The following CHP1 variants were observed in gnomAD, a reference collection of about 807,000 sequenced individuals.
The protein encoded by CHP1 is calcineurin B homologous protein 1.
In CHP1, 11 loss-of-function variants were observed where a neutral mutation model predicts 27.4. The observed-to-expected ratio is 0.40, with a 90% CI of 0.25 to 0.67. The LOEUF (loss-of-function observed/expected upper bound fraction) is 0.67. Among genes scored for constraint, CHP1 ranks in the 30% least tolerant of loss-of-function variants. The probability of loss-of-function intolerance (pLI) is 0.38; values close to 1 mark genes in which losing one functional copy is unlikely to be tolerated. For missense variants in CHP1, 169 were observed against 251.3 expected (o/e 0.67, Z 2.22); for synonymous variants, 89 against 87.4 (o/e 1.02, Z -0.10).
chr15:41,276,248 A>AG (rs2140944373), intron 5 of CHP1, among the ~76,000 whole-genome samples: 1 of 151,928 alleles, frequency 6.6e-6, no homozygotes, highest in Admixed American at 6.6e-5. Flanking sequence ...CTCAAAAAAA[A>AG]AAAAAAGAAT....
chr15:41,279,464 C>A lies in CHP1; in HGVS notation c.*75C>A. The A allele has an allele frequency of 8.3e-7, 1 of 1,201,842 alleles. No individual in the cohort carries two copies. Among genetic ancestry groups the A allele is most frequent in the Non-Finnish European group, 1.2e-6 (1 of 813,912 alleles). The allele number at this position is 1,201,842 out of a possible 1,614,324, so 74.4% of individuals were successfully genotyped here. A position where few individuals can be genotyped will look rare whatever the true frequency, so the allele number is the denominator to read the frequency against. ...AAAGTCCTCCTTCTACCAACTCCAC[C>A]TCCACCCCCTCATTCCCCTTCTCCC... On this transcript the variant is annotated 3_prime_UTR_variant, in exon 7 of 7. Transcript: ENST00000334660.
At chr15:41,260,394 CTTT>C (rs34417644) in intron 3 of CHP1, among the ~76,000 whole-genome samples, 16 of 124,540 alleles carry the variant, frequency 1.3e-4, no homozygotes, top group African/African-American at 1.3e-4. Context: ...TCTTTCAAAA[CTTT>C]TTTTTTTTTT....
At chr15:41,231,500 A>G (rs1488221281) in intron 1 of CHP1, 51 bp downstream of exon 1, 3 of 1,544,192 alleles carry the variant, frequency 1.9e-6, no homozygotes, top group Non-Finnish European at 2.6e-6. Flanking sequence ...CTGGCCTCAC[A>G]ACCAAGGGCG....
chr15:41,246,389 G>A (rs1039770185), intron 2 of CHP1, among the ~76,000 whole-genome samples: 1 of 149,686 alleles, frequency 6.7e-6, no homozygotes, highest in Non-Finnish European at 1.5e-5. Context: ...GTGTGATCTC[G>A]GCTCACTGCA....
At chr15:41,259,410 AC>A (rs2047419950) in intron 3 of CHP1, among the ~76,000 whole-genome samples, 1 of 152,052 alleles carries the variant, frequency 6.6e-6, no homozygotes, top group Non-Finnish European at 1.5e-5. Context: ...GGAGGGCTCT[AC>A]TGGGCTGCAC....
intron 2 of CHP1, among the ~76,000 whole-genome samples, chr15:41,251,602 G>A (rs965860791): frequency 5.9e-5 from 9 of 152,110 alleles, no homozygotes; most frequent in African/African-American, 2.2e-4. Context: ...GGCGGCACTA[G>A]ATTCTCATAG....
intron 2 of CHP1, among the ~76,000 whole-genome samples, chr15:41,249,456 C>T (rs1265850075): frequency 6.9e-6 from 1 of 145,830 alleles, no homozygotes; most frequent in Non-Finnish European, 1.5e-5. Flanking sequence ...GCCTGGCCTT[C>T]ACCTTCTTTT....
chr15:41,257,475 C>T (rs1277994892), intron 3 of CHP1, among the ~76,000 whole-genome samples: 3 of 151,336 alleles, frequency 2.0e-5, no homozygotes. Flanking sequence ...AATAAGTTAA[C>T]TTTGGTAATA....
intron 2 of CHP1, among the ~76,000 whole-genome samples, chr15:41,252,027 C>T (rs189670834): frequency 5.3e-5 from 8 of 152,132 alleles, no homozygotes; most frequent in African/African-American, 1.9e-4. Context: ...TAGGCGTCAA[C>T]CACCACGCCT....
chr15:41,247,901 G>A (rs914696403), intron 2 of CHP1, among the ~76,000 whole-genome samples: 16 of 151,300 alleles, frequency 1.1e-4, no homozygotes, highest in East Asian at 3.9e-4. Context: ...CCCGGGAGGC[G>A]GAGCTTTCAG....
At chr15:41,231,633 C>G (rs139680963) in intron 1 of CHP1, among the ~76,000 whole-genome samples, 184 bp downstream of exon 1, 4 of 152,056 alleles carry the variant, frequency 2.6e-5, no homozygotes, top group Admixed American at 1.3e-4. Flanking sequence ...GAGCGGGGCT[C>G]TAGCTACTGT....
At chr15:41,274,951 C>T (rs926217977) in intron 5 of CHP1, among the ~76,000 whole-genome samples, 9 of 151,598 alleles carry the variant, frequency 5.9e-5, no homozygotes, top group Non-Finnish European at 1.2e-4. Context: ...CTACCATGCC[C>T]GGCTAATTTT....
intron 3 of CHP1, among the ~76,000 whole-genome samples, chr15:41,260,277 CA>C (rs2047425992): frequency 6.6e-6 from 1 of 151,556 alleles, no homozygotes; most frequent in Non-Finnish European, 1.5e-5. Flanking sequence ...GAACATTCTT[CA>C]TTCAAGTTTT....
chr15:41,253,507 T>C (rs1165332246), intron 2 of CHP1, among the ~76,000 whole-genome samples: 5 of 151,496 alleles, frequency 3.3e-5, no homozygotes, highest in Non-Finnish European at 7.4e-5. Context: ...CAGGCTGGAG[T>C]GCAGTGGCGC....
At chr15:41,257,699 A>T (rs2047407810) in intron 3 of CHP1, among the ~76,000 whole-genome samples, 1 of 151,788 alleles carries the variant, frequency 6.6e-6, no homozygotes, top group Non-Finnish European at 1.5e-5. Flanking sequence ...AGTTGGGATT[A>T]CAGCCACATG....
At chr15:41,253,131 G>T (rs889544591) in intron 2 of CHP1, among the ~76,000 whole-genome samples, 1 of 151,736 alleles carries the variant, frequency 6.6e-6, no homozygotes, top group East Asian at 1.9e-4. Context: ...TAGAGACGGG[G>T]TTTCACCATG....
At position 41,248,813 on chromosome 15, in the gene CHP1, A is replaced by G. The variant is rs181755232; in HGVS notation, c.140+5074A>G. Among the ~76,000 whole-genome samples the G allele has an allele frequency of 1.3e-4, 20 of 152,290 alleles. No homozygotes were observed. In the East Asian group the frequency reaches 3.9e-3, roughly 29 times the overall value. ...TTGAATACCTAGAAGAAATTAGCCA[A>G]TTGTACCACATAATGTGCCACATAG... On this transcript the variant is annotated intron_variant, in intron 2 of 6. Coordinates refer to ENST00000334660, the MANE Select transcript of CHP1 (RefSeq NM_007236.5).
intron 2 of CHP1, among the ~76,000 whole-genome samples, chr15:41,247,962 C>T (rs528205180): frequency 6.7e-6 from 1 of 150,242 alleles, no homozygotes; most frequent in Admixed American, 6.7e-5. Context: ...GAGCAAGACT[C>T]CGTCTCAAAT....
rs756127169 is a variant in CHP1, at chr15:41,272,757, G to C, written c.411+2139G>C. Among the ~76,000 whole-genome samples, 6 of 151,454 alleles carry C rather than the reference G, an allele frequency of 4.0e-5. No individual in the cohort carries two copies. The East Asian group carries it at 1.2e-3, about 30-fold the overall frequency. On this transcript the variant is annotated intron_variant, in intron 5 of 6. Transcript: ENST00000334660. ...TCTTATAGAAGACAGCGTAAGAAAA[G>C]AAAATTAGGGGCCAGGCGCAGTGGC... is the stretch of plus-strand genomic sequence containing the variant.
Sources: gnomAD v4.1 joint callset for allele counts (sites outside exome capture counted in the v4.1 genomes callset) on GRCh38, gnomAD v4.1.1 for gene constraint, MANE v1.5 for transcripts, NCBI Gene and HGNC (gene_info 2026-07-23, HGNC 2026-07-21) for gene names.